Variants in PLD5 observed in about 807,000 individuals in gnomAD.
The protein encoded by PLD5 is inactive phospholipase D5.
Under a neutral mutation model 61.1 loss-of-function variants are expected in PLD5, and 36 were observed. The ratio of observed to expected loss-of-function variants is 0.59; its 90% confidence interval spans 0.45 to 0.78. PLD5 has a LOEUF of 0.78. Ranked by LOEUF, PLD5 falls within the 30% of genes least tolerant of loss-of-function variation. The pLI is 0.00. For missense variants in PLD5, 515 were observed against 644.4 expected (o/e 0.80, Z 2.17); for synonymous variants, 243 against 242.8 (o/e 1.00, Z -0.01).
At chr1:242,317,428 TA>T (rs1256554436) in intron 2 of PLD5, among the ~76,000 whole-genome samples, 1 of 152,240 alleles carries the variant, frequency 6.6e-6, no homozygotes, top group Non-Finnish European at 1.5e-5. Context: ...TTCATTTTTT[TA>T]TAAAAGAACC....
chr1:242,147,909 T>G (rs535412032), intron 5 of PLD5, among the ~76,000 whole-genome samples: 2 of 152,178 alleles, frequency 1.3e-5, no homozygotes, highest in Non-Finnish European at 2.9e-5. Flanking sequence ...ATCTTACATA[T>G]TCTGGATACA....
intron 5 of PLD5, among the ~76,000 whole-genome samples, chr1:242,167,998 A>G (rs1164835329): frequency 2.0e-5 from 3 of 152,240 alleles, no homozygotes; most frequent in Non-Finnish European, 4.4e-5. Context: ...CAAAATGCAC[A>G]TGCTGAGGTG....
At chr1:242,311,259 G>GT (rs747205767) in intron 2 of PLD5, among the ~76,000 whole-genome samples, 4 of 152,198 alleles carry the variant, frequency 2.6e-5, no homozygotes, top group African/African-American at 4.8e-5. Flanking sequence ...ATAATGGGTT[G>GT]TGGTCATATA....
chr1:242,306,746 C>CACAT (rs1359392266), intron 2 of PLD5, among the ~76,000 whole-genome samples: 44 of 226 alleles, frequency 0.19, no homozygotes, highest in African/African-American at 0.27. Context: ...TTAAAACACA[C>CACAT]ACACACACAC....
intron 6 of PLD5, among the ~76,000 whole-genome samples, chr1:242,119,566 T>A (rs1285936705): frequency 6.6e-6 from 1 of 152,176 alleles, no homozygotes; most frequent in Non-Finnish European, 1.5e-5. Context: ...TGTCTCTTCT[T>A]TAAAGAAGAG....
At chr1:242,113,084 C>CTTTT (rs71570931) in intron 7 of PLD5, among the ~76,000 whole-genome samples, 12,205 of 108,534 alleles carry the variant, frequency 0.11, 835 homozygotes, top group Non-Finnish European at 0.14. Flanking sequence ...CTCTCTCTCT[C>CTTTT]TTTTTTTTTT....
chr1:242,151,741 T>G (rs531749735), intron 5 of PLD5, among the ~76,000 whole-genome samples: 1 of 152,258 alleles, frequency 6.6e-6, no homozygotes, highest in African/African-American at 2.4e-5. Flanking sequence ...CAGACATTTC[T>G]TCTCAGTTAC....
chr1:242,376,977 C>T (rs1214416547), intron 1 of PLD5: 24 of 1,611,406 alleles, frequency 1.5e-5, no homozygotes, highest in South Asian at 1.1e-4. Context: ...GCCGTGTATC[C>T]GCATGTGAGT....
At chr1:242,396,715 C>T (rs1359872149) in intron 1 of PLD5, among the ~76,000 whole-genome samples, 1 of 146,878 alleles carries the variant, frequency 6.8e-6, no homozygotes, top group Non-Finnish European at 1.5e-5. Flanking sequence ...ACTCTGTCAC[C>T]AGGCTGGAGT....
At chr1:242,325,419 C>T (rs375633429) in intron 2 of PLD5, among the ~76,000 whole-genome samples, 1 of 82,952 alleles carries the variant, frequency 1.2e-5, no homozygotes, top group African/African-American at 5.1e-5. Context: ...GGGGGGAGAG[C>T]GAGAGAAAGG....
At chr1:242,167,087 A>T (rs912283233) in intron 5 of PLD5, among the ~76,000 whole-genome samples, 1 of 139,658 alleles carries the variant, frequency 7.2e-6, no homozygotes, top group Non-Finnish European at 1.5e-5. Context: ...AGTAATAATA[A>T]TAATAATAAT....
intron 2 of PLD5, among the ~76,000 whole-genome samples, chr1:242,333,432 G>T (rs1231003824): frequency 1.3e-5 from 2 of 152,108 alleles, no homozygotes; most frequent in Non-Finnish European, 2.9e-5. Context: ...CGCTGGAAAG[G>T]TCTCTGTCTT....
At chr1:242,525,631 G>A (rs963208279), upstream of PLD5, among the ~76,000 whole-genome samples, 1 of 152,150 alleles carries the variant, frequency 6.6e-6, no homozygotes, top group Non-Finnish European at 1.5e-5. Flanking sequence ...TCTCGTGTCT[G>A]GTTAAAAGCT....
At chr1:242,202,474 T>G (rs1455733090) in intron 5 of PLD5, among the ~76,000 whole-genome samples, 1 of 152,146 alleles carries the variant, frequency 6.6e-6, no homozygotes, top group Non-Finnish European at 1.5e-5. Context: ...CATACAGCCT[T>G]GTCATGCCAG....
At chr1:242,166,418 C>T (rs74797562) in intron 5 of PLD5, among the ~76,000 whole-genome samples, 19,769 of 152,142 alleles carry the variant, frequency 0.13, 1,544 homozygotes, top group Non-Finnish European at 0.17. Context: ...CCCAAGTTAG[C>T]TGGGCCCTCT....
chr1:242,433,674 G>C (rs60104334), intron 1 of PLD5, among the ~76,000 whole-genome samples: 3,238 of 152,242 alleles, frequency 0.021, 133 homozygotes, highest in African/African-American at 0.072. Context: ...GGACAAATCA[G>C]GGTCCAATAA....
At chr1:242,202,248 A>G (rs1340664064) in intron 5 of PLD5, among the ~76,000 whole-genome samples, 1 of 151,008 alleles carries the variant, frequency 6.6e-6, no homozygotes, top group African/African-American at 2.4e-5. Flanking sequence ...AAACAAACAA[A>G]CAAAAAATAT....
intron 3 of PLD5, among the ~76,000 whole-genome samples, chr1:242,269,843 A>G (rs935358513): frequency 2.6e-5 from 4 of 151,758 alleles, no homozygotes; most frequent in Non-Finnish European, 5.9e-5. Context: ...AATTAGAGAA[A>G]GGTTAAAAAA....
intron 4 of PLD5, among the ~76,000 whole-genome samples, chr1:242,248,265 T>C (rs866582626): frequency 2.6e-4 from 40 of 152,318 alleles, no homozygotes; most frequent in African/African-American, 8.9e-4. Flanking sequence ...CACTTTAAGC[T>C]ATGTATTCAT....
Sources: gnomAD v4.1 joint callset for allele counts (sites outside exome capture counted in the v4.1 genomes callset) on GRCh38, gnomAD v4.1.1 for gene constraint, MANE v1.5 for transcripts, NCBI Gene and HGNC (gene_info 2026-07-23, HGNC 2026-07-21) for gene names.